CHPT1: variants seen among roughly 807,000 people sequenced by gnomAD.
CHPT1 encodes cholinephosphotransferase 1.
Under a neutral mutation model 47.6 loss-of-function variants are expected in CHPT1, and 36 were observed. The ratio of observed to expected loss-of-function variants is 0.76; its 90% confidence interval spans 0.58 to 1.00. The LOEUF (loss-of-function observed/expected upper bound fraction) is 1.00, where lower values mean the gene tolerates loss of function less well. CHPT1 is among the 50% of genes least tolerant of loss of function. The pLI is 0.00. For missense variants in CHPT1, 458 were observed against 498.1 expected (o/e 0.92, Z 0.77); for synonymous variants, 194 against 186.3 (o/e 1.04, Z -0.33).
intron 4 of CHPT1, chr12:101,719,583 CATG>C (rs1314761648): frequency 1.8e-6 from 2 of 1,126,148 alleles, no homozygotes; most frequent in African/African-American, 1.6e-5. Context: ...GCATACACAT[CATG>C]ATATTTGTTA....
intron 7 of CHPT1, among the ~76,000 whole-genome samples, chr12:101,725,111 A>AAT (rs1468595436): frequency 6.6e-6 from 1 of 152,180 alleles, no homozygotes; most frequent in Non-Finnish European, 1.5e-5. Flanking sequence ...TATTTAAAAA[A>AAT]ATCTGTATCT....
intron 1 of CHPT1, among the ~76,000 whole-genome samples, chr12:101,708,666 GGC>G: frequency 2.4e-5 from 3 of 123,776 alleles, no homozygotes; most frequent in Middle Eastern, 5.1e-3. Context: ...GGAGTGCAGT[GGC>G]TCACTTCAAC....
intron 1 of CHPT1, among the ~76,000 whole-genome samples, chr12:101,703,191 A>C (rs561251299): frequency 1.3e-5 from 2 of 152,322 alleles, no homozygotes; most frequent in South Asian, 4.2e-4. Context: ...AAGTTGAAGA[A>C]CAGAACAGAA....
At chr12:101,707,680 G>A (rs749410230) in intron 1 of CHPT1, among the ~76,000 whole-genome samples, 2 of 152,190 alleles carry the variant, frequency 1.3e-5, no homozygotes, top group Admixed American at 6.5e-5. Context: ...TATTTAAGGT[G>A]AGAAGGCAAG....
chr12:101,726,397 C>T lies in CHPT1; in HGVS notation c.1169C>T (p.Pro390Leu), dbSNP rs368098703. ...NIFKTACHQA[P>L]EQVQVLSSKS... ...TTCAAGACTGCATGTCATCAAGCACCTGAACAGGTTCACAAGCATATTGAC... is the reference window on the plus strand; with the variant it reads ...TTCAAGACTGCATGTCATCAAGCACTTGAACAGGTTCACAAGCATATTGAC... The change falls in exon 8 of 9, where the codon CCT becomes CTT. Residue 390 changes from proline (P) to leucine (L), a missense_variant. Pro to Leu is a moderately conservative substitution (Grantham distance 98, BLOSUM62 -3). Coordinates refer to ENST00000229266, the MANE Select transcript of CHPT1 (RefSeq NM_020244.3). The T allele has an allele frequency of 8.1e-6, 13 of 1,612,562 alleles. No homozygotes were observed. Among genetic ancestry groups the T allele is most frequent in the Non-Finnish European group, 1.0e-5 (12 of 1,179,526 alleles).
In CHPT1 at chr12:101,726,596, CATT is replaced by C. The variant is rs1469361047; in HGVS notation, c.1176+193_1176+195del. 8.7e-6 allele frequency: 6 copies of C among 691,308 alleles called. No individual in the cohort carries two copies. The African/African-American group carries it at 1.1e-4, about 12-fold the overall frequency. The allele number at this position is 691,308 out of a possible 1,614,324, so 42.8% of individuals were successfully genotyped here. A position where few individuals can be genotyped will look rare whatever the true frequency, so the allele number is the denominator to read the frequency against. ...AGTTATGAAGCCCCCATTGTATCAT[CATT>C]TTTTATCACAGATGTTCTCAGAATT... is the stretch of plus-strand genomic sequence containing the variant. On this transcript the variant is annotated intron_variant, in intron 8 of 8. Transcript: ENST00000229266.
At chr12:101,719,177 AGAAG>A (rs1951810876) in intron 4 of CHPT1, among the ~76,000 whole-genome samples, 1 of 151,060 alleles carries the variant, frequency 6.6e-6, no homozygotes, top group South Asian at 2.1e-4. Flanking sequence ...AAAAAAAAAA[AGAAG>A]GTAAATGTAG....
chr12:101,702,694 A>G (rs1951571673), intron 1 of CHPT1, among the ~76,000 whole-genome samples: 1 of 151,966 alleles, frequency 6.6e-6, no homozygotes, highest in African/African-American at 2.4e-5. Context: ...TTCCTTTTTA[A>G]GCACTCTTTT....
rs181498161 is a variant in CHPT1, at chr12:101,717,495, A to G, written c.648+683A>G. The G allele has an allele frequency of 3.3e-4, 96 of 294,814 alleles. 1 individual carries two copies. Among genetic ancestry groups the G allele is most frequent in the African/African-American group, 1.9e-3 (90 of 46,174 alleles). 18.3% of individuals were successfully genotyped at this position (294,814 alleles called of 1,614,324 possible). A position where few individuals can be genotyped will look rare whatever the true frequency, so the allele number is the denominator to read the frequency against. On this transcript the variant is annotated intron_variant, in intron 4 of 8. Coordinates refer to ENST00000229266, the MANE Select transcript of CHPT1 (RefSeq NM_020244.3). ...ATAGTCAACAACTAACAGTCATTCA[A>G]TACTTATGTTCCTAAACATTCACCA... is the stretch of plus-strand genomic sequence containing the variant.
chr12:101,719,228 A>G (rs992316031), intron 4 of CHPT1, among the ~76,000 whole-genome samples: 2 of 151,878 alleles, frequency 1.3e-5, no homozygotes, highest in Non-Finnish European at 1.5e-5. Context: ...TTATTAAGTC[A>G]GGTGTGGTTG....
At chr12:101,713,308 C>G (rs1252175832) in intron 1 of CHPT1, among the ~76,000 whole-genome samples, 2 of 123,564 alleles carry the variant, frequency 1.6e-5, no homozygotes, top group Non-Finnish European at 1.9e-5. Flanking sequence ...CTCATTCAGG[C>G]ACAGATGAGT....
At chr12:101,727,232 CAA>C in intron 8 of CHPT1, 1 of 152,072 alleles carries the variant, frequency 6.6e-6, no homozygotes, top group South Asian at 2.1e-4. Context: ...TTTTAGAATA[CAA>C]AAGTTTACTT....
rs779867509 is a variant in CHPT1 at position 101,716,825 on chromosome 12, A to G, written c.648+13A>G. ...GTGGGACTATACGGTAAATCTGAAT[A>G]TTTAAATTTATATTTAAGTACTTTT... On this transcript the variant is annotated intron_variant, in intron 4 of 8. Coordinates refer to ENST00000229266, the MANE Select transcript of CHPT1 (RefSeq NM_020244.3). 3 of 1,454,962 alleles carry G rather than the reference A, an allele frequency of 2.1e-6. No homozygotes were observed. Among genetic ancestry groups the G allele is most frequent in the Admixed American group, 2.1e-5 (1 of 47,848 alleles). The allele number at this position is 1,454,962 out of a possible 1,614,324, so 90.1% of individuals were successfully genotyped here.
Position 101,708,674 on chromosome 12 carries a change from T to TCCA in CHPT1, c.274-5415_274-5414insCAC, listed in dbSNP as rs1236523644. The stretch of plus-strand genomic sequence containing the variant: ...CCCAGCTGGAGTGCAGTGGCTCACT[T>TCCA]CAACCTCTGCCTCCTGGGTTCAAGC... On this transcript the variant is annotated intron_variant, in intron 1 of 8. Coordinates refer to ENST00000229266, the MANE Select transcript of CHPT1 (RefSeq NM_020244.3). Among the ~76,000 whole-genome samples, 8 of 123,730 alleles carry TCCA rather than the reference T, an allele frequency of 6.5e-5. 2 individuals are homozygous for TCCA. The highest frequency in any genetic ancestry group is 2.5e-4 in the East Asian group (1 of 3,964). 81.2% of individuals were successfully genotyped at this position (123,730 alleles called of 152,430 possible). A position where few individuals can be genotyped will look rare whatever the true frequency, so the allele number is the denominator to read the frequency against.
intron 5 of CHPT1, among the ~76,000 whole-genome samples, chr12:101,721,376 C>A (rs1440959746): frequency 1.3e-5 from 2 of 151,950 alleles, no homozygotes; most frequent in Non-Finnish European, 2.9e-5. Context: ...AAATTTCTAT[C>A]CTTTAAAGTC....
intron 5 of CHPT1, among the ~76,000 whole-genome samples, chr12:101,721,118 C>A (rs1165648643): frequency 6.6e-6 from 1 of 152,024 alleles, no homozygotes; most frequent in Non-Finnish European, 1.5e-5. Context: ...CCTGTCGCTA[C>A]CAAAAATACA....
At position 101,709,123 on chromosome 12, in the gene CHPT1, C is replaced by T. The variant is rs78250459; in HGVS notation, c.274-4967C>T. On this transcript the variant is annotated intron_variant, in intron 1 of 8. Transcript: ENST00000229266. ...ATGAAGAGTCTCTTCTGGCTAGGCA[C>T]GGTGGCACTCGCCTATAATCCCAGC... Among the ~76,000 whole-genome samples, 29 of 148,496 alleles carry T rather than the reference C, an allele frequency of 2.0e-4. 2 individuals are homozygous for T. The highest frequency in any genetic ancestry group is 2.4e-4 in the African/African-American group (10 of 41,148).
chr12:101,728,919 AAGAGTCATC>A lies in CHPT1; in HGVS notation c.1199_1207del (p.Ser400_Gln402del). On this transcript the variant is annotated inframe_deletion, in exon 9 of 9. Transcript: ENST00000229266. ...TACTTAGGTTCAAGTTCTTTCTTCA[AAGAGTCATC>A]AGAATAACATGGATTGAAGAGACTT... 6.2e-7 allele frequency: 1 copy of A among 1,613,474 alleles called. No homozygotes were observed. Among genetic ancestry groups the A allele is most frequent in the Non-Finnish European group, 8.5e-7 (1 of 1,179,652 alleles).
At chr12:101,700,536 C>T (rs1232011125) in intron 1 of CHPT1, among the ~76,000 whole-genome samples, 1 of 152,194 alleles carries the variant, frequency 6.6e-6, no homozygotes, top group Admixed American at 6.5e-5. Context: ...AGCCCAGCAA[C>T]AGTGTGAAGA....
Sources: gnomAD v4.1 joint callset for allele counts (sites outside exome capture counted in the v4.1 genomes callset) on GRCh38, gnomAD v4.1.1 for gene constraint, MANE v1.5 for transcripts, NCBI Gene and HGNC (gene_info 2026-07-23, HGNC 2026-07-21) for gene names.